SLC25A14: variants seen among roughly 807,000 people sequenced by gnomAD.
The protein encoded by SLC25A14 is brain mitochondrial carrier protein 1.
Under a neutral mutation model 28.1 loss-of-function variants are expected in SLC25A14, and 8 were observed. The observed-to-expected ratio is 0.28, with a 90% CI of 0.17 to 0.51. SLC25A14 has a LOEUF of 0.51. Ranked by LOEUF, SLC25A14 falls within the 20% of genes least tolerant of loss-of-function variation. SLC25A14 has a pLI of 0.97. For synonymous variants in SLC25A14, 74 were observed against 90.6 expected, an observed-to-expected ratio of 0.82 and a Z score of 1.04; for missense variants, 135 against 263.8, an observed-to-expected ratio of 0.51 and a Z score of 3.38.
At position 130,365,579 on chromosome X, in the gene SLC25A14, C is replaced by T; in HGVS notation, c.758C>T (p.Ser253Phe). 8.3e-7 allele frequency: 1 copy of T among 1,211,547 alleles called. No individual in the cohort carries two copies. The highest frequency in any genetic ancestry group is 1.1e-6 in the Non-Finnish European group (1 of 895,405). Residue 253 changes from serine (S) to phenylalanine (F), a missense_variant, in exon 9 of 11, where the codon TCC (serine) becomes TTC (phenylalanine). Coordinates refer to ENST00000545805, the MANE Select transcript of SLC25A14 (RefSeq NM_001282195.2). ...FTCGLAGALA[S>F]NPVDVVRTRM... ...TGTGGTTTGGCTGGGGCTCTGGCCTCCAACCCGGTTGATGTGGTTCGAACT... is the reference window on the plus strand; with the variant it reads ...TGTGGTTTGGCTGGGGCTCTGGCCTTCAACCCGGTTGATGTGGTTCGAACT...
At chrX:130,362,866 T>C (rs2034013128) in intron 7 of SLC25A14, among the ~76,000 whole-genome samples, 2 of 112,116 alleles carry the variant, frequency 1.8e-5, no homozygotes, top group African/African-American at 6.5e-5. Flanking sequence ...CCCTTGGCTT[T>C]TCCTCTTGCT....
chrX:130,350,778 G>T (rs1167155379), intron 6 of SLC25A14, 47 bp downstream of exon 6: 1 of 866,550 alleles, frequency 1.2e-6, no homozygotes, highest in Admixed American at 2.6e-5. Context: ...CTTTGAGTCA[G>T]ATTTGGGTTC....
intron 9 of SLC25A14, among the ~76,000 whole-genome samples, chrX:130,370,739 AT>A (rs1341933273): frequency 8.9e-6 from 1 of 111,923 alleles, no homozygotes; most frequent in Admixed American, 9.5e-5. Flanking sequence ...TGTGGCACTT[AT>A]TTTTGGATAT....
intron 9 of SLC25A14, among the ~76,000 whole-genome samples, chrX:130,370,754 A>C (rs2034243226): frequency 8.9e-6 from 1 of 112,142 alleles, no homozygotes; most frequent in African/African-American, 3.2e-5. Flanking sequence ...TGGATATAAT[A>C]TATATCAATT....
chrX:130,350,598 C>T (rs753428332), intron 5 of SLC25A14, 48 bp from the exon 6 acceptor site: 1 of 801,714 alleles, frequency 1.2e-6, no homozygotes, highest in Non-Finnish European at 1.8e-6. Context: ...TGTACTCAAA[C>T]TGGTGCCTAA....
intron 5 of SLC25A14, among the ~76,000 whole-genome samples, chrX:130,350,182 A>C (rs1047402114): frequency 8.9e-6 from 1 of 111,936 alleles, no homozygotes; most frequent in African/African-American, 3.2e-5. Flanking sequence ...AGAGGCTAGG[A>C]GAGATCTCAG....
intron 8 of SLC25A14, chrX:130,365,098 A>G (rs2034081912): frequency 2.5e-6 from 2 of 805,169 alleles, no homozygotes; most frequent in African/African-American, 2.2e-5. Flanking sequence ...GGGAATCAGA[A>G]AAAAAGGGGT....
intron 6 of SLC25A14, among the ~76,000 whole-genome samples, chrX:130,358,214 C>T (rs1260162843): frequency 8.9e-6 from 1 of 111,912 alleles, no homozygotes; most frequent in Non-Finnish European, 1.9e-5. Context: ...TACCATTGTA[C>T]AACAAAATTT....
chrX:130,358,323 TG>T (rs776110298), intron 6 of SLC25A14, among the ~76,000 whole-genome samples: 5 of 111,944 alleles, frequency 4.5e-5, no homozygotes, highest in African/African-American at 1.6e-4. Context: ...TTTCACTAAA[TG>T]AGTCATTTTT....
chrX:130,364,890 C>G, intron 8 of SLC25A14, 138 bp downstream of exon 8: 1 of 1,069,568 alleles, frequency 9.3e-7, no homozygotes, highest in African/African-American at 1.9e-5. Context: ...ATCAGAACTT[C>G]AAGCCTTATG....
intron 6 of SLC25A14, among the ~76,000 whole-genome samples, chrX:130,358,421 C>T (rs1383725473): frequency 4.5e-5 from 5 of 111,619 alleles, no homozygotes; most frequent in African/African-American, 1.6e-4. Context: ...AATGTGAGGC[C>T]GATGAAAACC....
At chrX:130,350,841 C>A in intron 6 of SLC25A14, 110 bp downstream of exon 6, 1 of 392,917 alleles carries the variant, frequency 2.5e-6, no homozygotes, top group Non-Finnish European at 4.5e-6. Flanking sequence ...AATCAGTTAA[C>A]TGCATTAAGC....
At chrX:130,342,580 G>C (rs1004563217) in intron 2 of SLC25A14, among the ~76,000 whole-genome samples, 1 of 111,689 alleles carries the variant, frequency 9.0e-6, no homozygotes, top group South Asian at 3.7e-4. Context: ...AATATGAGGA[G>C]GGAGTGTCTA....
intron 7 of SLC25A14, among the ~76,000 whole-genome samples, chrX:130,360,555 A>G (rs2033937618): frequency 8.9e-6 from 1 of 111,812 alleles, no homozygotes; most frequent in South Asian, 3.8e-4. Context: ...ATATATCCTA[A>G]TATCTAATCA....
chrX:130,372,780 A>G, intron 10 of SLC25A14, 129 bp from the exon 11 acceptor site: 2 of 546,140 alleles, frequency 3.7e-6, no homozygotes, highest in South Asian at 5.5e-5. Flanking sequence ...GTGTTTTAGA[A>G]AAGATTTTAA....
chrX:130,372,130 G>A (rs775275200), intron 10 of SLC25A14, among the ~76,000 whole-genome samples: 4 of 112,269 alleles, frequency 3.6e-5, no homozygotes, highest in Admixed American at 9.4e-5. Flanking sequence ...GCCATGTATT[G>A]GATACTGTGT....
chrX:130,369,152 C>T (rs909326053), intron 9 of SLC25A14, among the ~76,000 whole-genome samples: 1 of 111,471 alleles, frequency 9.0e-6, no homozygotes, highest in Non-Finnish European at 1.9e-5. Flanking sequence ...AGATTCAAGC[C>T]GGGTGCTGTG....
chrX:130,353,147 A>C (rs1433121696), intron 6 of SLC25A14, among the ~76,000 whole-genome samples: 5 of 111,897 alleles, frequency 4.5e-5, no homozygotes, highest in African/African-American at 1.6e-4. Context: ...CAGCTGTCCC[A>C]GTACCATTTA....
At chrX:130,342,684 G>A (rs758243044) in intron 2 of SLC25A14, among the ~76,000 whole-genome samples, 1 of 110,241 alleles carries the variant, frequency 9.1e-6, no homozygotes. Context: ...ATGGGGGTAG[G>A]GAAGTCGTGA....
Sources: allele counts gnomAD v4.1 joint callset (sites outside exome capture counted in the v4.1 genomes callset), GRCh38; gene constraint gnomAD v4.1.1; transcripts MANE v1.5; gene names NCBI Gene and HGNC (gene_info 2026-07-23, HGNC 2026-07-21).